Variants in KCNMB2 observed in about 807,000 individuals in gnomAD.
KCNMB2 encodes calcium-activated potassium channel subunit beta-2.
KCNMB2 carries 9 observed loss-of-function variants against 24.5 expected under a neutral mutation model. That is an observed-to-expected ratio of 0.37 (90% CI 0.22 to 0.64). KCNMB2 has a LOEUF of 0.64. Ranked by LOEUF, KCNMB2 falls within the 30% of genes least tolerant of loss-of-function variation. KCNMB2 has a pLI of 0.63. For missense variants in KCNMB2, 226 were observed against 284.3 expected (o/e 0.79, Z 1.47); for synonymous variants, 109 against 104.4 (o/e 1.04, Z -0.27).
At chr3:178,619,515 A>G (rs1351987453) in intron 1 of KCNMB2, among the ~76,000 whole-genome samples, 57 of 152,192 alleles carry the variant, frequency 3.7e-4, no homozygotes, top group Non-Finnish European at 2.9e-5. Context: ...ATTTGGAGTA[A>G]TTGGATAAAA....
chr3:178,669,819 AAAGG>A (rs1466110016), intron 1 of KCNMB2, among the ~76,000 whole-genome samples: 1 of 152,086 alleles, frequency 6.6e-6, no homozygotes, highest in East Asian at 1.9e-4. Context: ...CATGGATTTT[AAAGG>A]AAGAGCAGAA....
chr3:178,770,461 A>C (rs1469992560), intron 1 of KCNMB2, among the ~76,000 whole-genome samples: 3 of 152,266 alleles, frequency 2.0e-5, no homozygotes, highest in African/African-American at 7.2e-5. Context: ...ATGAGGACCA[A>C]GTGCGGTATT....
At chr3:178,729,013 C>G (rs1723055586) in intron 1 of KCNMB2, among the ~76,000 whole-genome samples, 1 of 152,124 alleles carries the variant, frequency 6.6e-6, no homozygotes, top group African/African-American at 2.4e-5. Flanking sequence ...TGGCCTATCA[C>G]ATAATTTTCC....
chr3:178,810,765 C>T (rs973745357), intron 2 of KCNMB2, among the ~76,000 whole-genome samples: 3 of 151,982 alleles, frequency 2.0e-5, no homozygotes, highest in Admixed American at 2.0e-4. Context: ...GATGGAGTCT[C>T]GCTCTGTCGC....
chr3:178,827,472 G>A (rs1241609752), intron 3 of KCNMB2, among the ~76,000 whole-genome samples: 1 of 152,174 alleles, frequency 6.6e-6, no homozygotes, highest in East Asian at 1.9e-4. Context: ...GGATTTCTCA[G>A]TTCACTCACT....
chr3:178,623,384 C>G (rs1306197895), intron 1 of KCNMB2, among the ~76,000 whole-genome samples: 1 of 152,154 alleles, frequency 6.6e-6, no homozygotes, highest in Non-Finnish European at 1.5e-5. Flanking sequence ...ACTACCAAAG[C>G]CTCTGTTATA....
In KCNMB2 at chr3:178,571,582, G is replaced by A. The variant is rs1034309737; in HGVS notation, c.-68+34871G>A. ...GCAGAACATGCAGGTTTGCTACATAGGTATACACGTGCCATGGTGGTTTGC... is the reference window on the plus strand; with the variant it reads ...GCAGAACATGCAGGTTTGCTACATAAGTATACACGTGCCATGGTGGTTTGC... On this transcript the variant is annotated intron_variant, in intron 1 of 4. Transcript: ENST00000452583. Among the ~76,000 whole-genome samples the A allele has an allele frequency of 1.8e-4, 27 of 150,870 alleles. No individual in the cohort carries two copies. In the Admixed American group the frequency reaches 1.8e-3, roughly 10 times the overall value.
At chr3:178,826,671 T>C (rs1714846776) in intron 3 of KCNMB2, among the ~76,000 whole-genome samples, 1 of 152,178 alleles carries the variant, frequency 6.6e-6, no homozygotes, top group Non-Finnish European at 1.5e-5. Flanking sequence ...AAATGAAAAA[T>C]TGAGGTTTCA....
chr3:178,675,397 G>C (rs1306749692), intron 1 of KCNMB2, among the ~76,000 whole-genome samples: 1 of 152,154 alleles, frequency 6.6e-6, no homozygotes, highest in Non-Finnish European at 1.5e-5. Context: ...CATTTCAAGA[G>C]AGTGAGGTGA....
At chr3:178,632,056 C>T (rs955282176) in intron 1 of KCNMB2, among the ~76,000 whole-genome samples, 4 of 152,156 alleles carry the variant, frequency 2.6e-5, no homozygotes, top group East Asian at 1.9e-4. Flanking sequence ...AATTATTCTG[C>T]GTCATCTGGG....
intron 4 of KCNMB2, among the ~76,000 whole-genome samples, chr3:178,831,594 G>A (rs913300286): frequency 1.3e-5 from 2 of 152,080 alleles, no homozygotes; most frequent in African/African-American, 4.8e-5. Flanking sequence ...CATGTCCTTT[G>A]CAGCAACCAT....
chr3:178,780,778 A>G (rs549615553), intron 1 of KCNMB2, among the ~76,000 whole-genome samples: 1 of 152,382 alleles, frequency 6.6e-6, no homozygotes, highest in Admixed American at 6.5e-5. Flanking sequence ...TAGGATAGTA[A>G]TAACACATAT....
At chr3:178,826,809 G>C (rs1714850507) in intron 3 of KCNMB2, among the ~76,000 whole-genome samples, 1 of 152,136 alleles carries the variant, frequency 6.6e-6, no homozygotes, top group South Asian at 2.1e-4. Flanking sequence ...TTTCACATTT[G>C]TGGCTGCTCT....
At chr3:178,593,433 C>A (rs949674733) in intron 1 of KCNMB2, among the ~76,000 whole-genome samples, 1 of 151,972 alleles carries the variant, frequency 6.6e-6, no homozygotes, top group Non-Finnish European at 1.5e-5. Flanking sequence ...GAGAATACTG[C>A]ATCAAAAGAC....
intron 1 of KCNMB2, chr3:178,558,574 T>C (rs1716204071): frequency 6.6e-6 from 1 of 152,350 alleles, no homozygotes; most frequent in South Asian, 2.1e-4. Context: ...CAAAACAAAC[T>C]ATAAAGAATA....
chr3:178,764,715 G>T (rs751188168), intron 1 of KCNMB2, among the ~76,000 whole-genome samples: 1 of 152,122 alleles, frequency 6.6e-6, no homozygotes, highest in African/African-American at 2.4e-5. Flanking sequence ...GTTAAGACTG[G>T]TGTGATTGCA....
At chr3:178,685,935 G>C (rs909876757) in intron 1 of KCNMB2, among the ~76,000 whole-genome samples, 7 of 152,064 alleles carry the variant, frequency 4.6e-5, no homozygotes, top group African/African-American at 1.7e-4. Context: ...AGTCCTCCAG[G>C]CTTCAGGAAA....
chr3:178,682,537 T>C (rs1255160190), intron 1 of KCNMB2, among the ~76,000 whole-genome samples: 1 of 152,186 alleles, frequency 6.6e-6, no homozygotes, highest in Admixed American at 6.5e-5. Flanking sequence ...CAAATGTGAC[T>C]TGTATATGTA....
chr3:178,793,190 C>T (rs4367041), intron 1 of KCNMB2, among the ~76,000 whole-genome samples: 45,388 of 151,982 alleles, frequency 0.3, 6,965 homozygotes, highest in Non-Finnish European at 0.31. Flanking sequence ...TGGAATCAAA[C>T]ATATATGGCC....
Sources: gnomAD v4.1 joint callset for allele counts (sites outside exome capture counted in the v4.1 genomes callset) on GRCh38, gnomAD v4.1.1 for gene constraint, MANE v1.5 for transcripts, NCBI Gene and HGNC (gene_info 2026-07-23, HGNC 2026-07-21) for gene names.